Variants in MTTP observed in about 807,000 individuals in gnomAD.
MTTP encodes microsomal triglyceride transfer protein large subunit.
In MTTP, 49 loss-of-function variants were observed where a neutral mutation model predicts 90.6. The ratio of observed to expected loss-of-function variants is 0.54; its 90% CI spans 0.43 to 0.69. The LOEUF is 0.69. Ranked by LOEUF, MTTP falls within the 30% of genes least tolerant of loss-of-function variation. MTTP has a pLI of 0.00. For synonymous variants in MTTP, 347 were observed against 384.2 expected (o/e 0.90, Z 1.13); for missense variants, 945 against 1,067.5 (o/e 0.89, Z 1.60).
At chr4:99,581,365 A>C (rs934759088) in intron 1 of MTTP, among the ~76,000 whole-genome samples, 1 of 152,244 alleles carries the variant, frequency 6.6e-6, no homozygotes, top group African/African-American at 2.4e-5. Context: ...CAACGCTGAA[A>C]TGTACCTTTG....
chr4:99,585,857 G>C (rs562349593), intron 3 of MTTP, among the ~76,000 whole-genome samples: 2 of 152,226 alleles, frequency 1.3e-5, no homozygotes, highest in Admixed American at 1.3e-4. Context: ...TAAAATATTT[G>C]TTGGAAAAAA....
intron 1 of MTTP, among the ~76,000 whole-genome samples, chr4:99,576,014 T>C (rs1724949270): frequency 6.6e-6 from 1 of 152,210 alleles, no homozygotes; most frequent in Non-Finnish European, 1.5e-5. Context: ...ATCTTCATTA[T>C]TGGAGCAATA....
At chr4:99,600,812 G>T (rs984771997) in intron 9 of MTTP, 79 bp downstream of exon 9, 17 of 1,413,706 alleles carry the variant, frequency 1.2e-5, no homozygotes, top group Non-Finnish European at 1.7e-5. Context: ...AAGTTTCTTA[G>T]ATCTGAATGA....
chr4:99,582,246 T>A (rs1024357855), intron 2 of MTTP, among the ~76,000 whole-genome samples, 154 bp downstream of exon 2: 6 of 152,222 alleles, frequency 3.9e-5, no homozygotes, highest in African/African-American at 1.4e-4. Context: ...TTTAAAGGTT[T>A]TGCTGATGAA....
At chr4:99,617,232 G>T (rs1441311303) in intron 15 of MTTP, among the ~76,000 whole-genome samples, 1 of 152,134 alleles carries the variant, frequency 6.6e-6, no homozygotes, top group Non-Finnish European at 1.5e-5. Context: ...GCCATATTTT[G>T]TCCTATATCA....
In MTTP at chr4:99,582,095, G is replaced by C; in HGVS notation, c.249+3G>C. The C allele has an allele frequency of 6.2e-7, 1 of 1,614,000 alleles. No homozygotes were observed. Among genetic ancestry groups the C allele is most frequent in the Non-Finnish European group, 8.5e-7 (1 of 1,179,920 alleles). On this transcript the variant is annotated splice_donor_region_variant and intron_variant, in intron 2 of 17. Transcript: ENST00000265517. ...ATGACCAGTTGATCCAAATAACGGT[G>C]GGCATTTTCTACCAGATAAATGCAA...
In MTTP at chr4:99,622,713, C is replaced by T. The variant is rs1272679414; in HGVS notation, c.2550C>T (p.Gly850=). 1.2e-6 allele frequency: 2 copies of T among 1,614,060 alleles called. No individual in the cohort carries two copies. The highest frequency in any genetic ancestry group is 1.7e-6 in the Non-Finnish European group (2 of 1,179,972). ...FEKKYERLST[G]RGYVSQKRKE... ...AAAAGTACGAAAGGCTGTCCACAGG[C>T]AGAGGTTATGTCTCTCAGAAAAGAA... The change falls in exon 18 of 18, where the codon GGC becomes GGT. Residue 850 remains glycine (G), a synonymous_variant. Coordinates refer to ENST00000265517, the MANE Select transcript of MTTP (RefSeq NM_001386140.1).
chr4:99,573,031 T>C (rs185061091), upstream of MTTP, among the ~76,000 whole-genome samples: 3 of 152,242 alleles, frequency 2.0e-5, no homozygotes, highest in East Asian at 5.8e-4. Context: ...GAATTTAGTT[T>C]GTTAGGCAAT....
rs13306571 is a variant in MTTP at position 99,601,975 on chromosome 4, C to T, written c.1344+261C>T. ...TCAACACCAATTGCTCACCAGTTCC[C>T]GGTACATAGATAATATTTAATAAAG... On this transcript the variant is annotated intron_variant, in intron 10 of 17. Coordinates refer to ENST00000265517, the MANE Select transcript of MTTP (RefSeq NM_001386140.1). 2.2e-4 allele frequency among the ~76,000 whole-genome samples: 33 copies of T among 151,964 alleles called. No individual in the cohort carries two copies. In the East Asian group the frequency reaches 2.3e-3, roughly 11 times the overall value.
chr4:99,568,735 A>C (rs1724764592), intron 1 of MTTP, among the ~76,000 whole-genome samples: 1 of 152,146 alleles, frequency 6.6e-6, no homozygotes, highest in Non-Finnish European at 1.5e-5. Context: ...AACCCAAACA[A>C]AACACATTTA....
At chr4:99,619,641 A>T (rs1409012398) in intron 16 of MTTP, among the ~76,000 whole-genome samples, 1 of 152,186 alleles carries the variant, frequency 6.6e-6, no homozygotes, top group African/African-American at 2.4e-5. Context: ...GTGAAGATGA[A>T]AATTATTAGC....
chr4:99,601,976 G>A (rs1490321142), intron 10 of MTTP, among the ~76,000 whole-genome samples: 3 of 151,626 alleles, frequency 2.0e-5, no homozygotes, highest in Non-Finnish European at 2.9e-5. Context: ...ACCAGTTCCC[G>A]GTACATAGAT....
chr4:99,605,399 AGAG>A (rs1725790224), intron 10 of MTTP, among the ~76,000 whole-genome samples: 1 of 152,142 alleles, frequency 6.6e-6, no homozygotes, highest in Admixed American at 6.5e-5. Context: ...TTCCCTACAT[AGAG>A]ATCTTTTTCA....
At chr4:99,621,347 A>T in intron 17 of MTTP, 116 bp downstream of exon 17, 1 of 1,341,522 alleles carries the variant, frequency 7.5e-7, no homozygotes, top group African/African-American at 1.5e-5. Context: ...ACCCAGGGAA[A>T]GATGAATTTT....
intron 8 of MTTP, among the ~76,000 whole-genome samples, chr4:99,599,348 A>G (rs879793728): frequency 2.6e-4 from 40 of 152,320 alleles, no homozygotes; most frequent in Admixed American, 1.0e-3. Context: ...AAACATCACT[A>G]TAATTAAGAA....
At chr4:99,591,952 T>A (rs1363149618) in intron 6 of MTTP, among the ~76,000 whole-genome samples, 162 bp downstream of exon 6, 1 of 152,062 alleles carries the variant, frequency 6.6e-6, no homozygotes. Flanking sequence ...GTTAGGCAAT[T>A]TCATCACTGT....
chr4:99,586,766 G>A (rs992660832), intron 3 of MTTP, among the ~76,000 whole-genome samples: 3 of 152,052 alleles, frequency 2.0e-5, no homozygotes, highest in Non-Finnish European at 4.4e-5. Flanking sequence ...TGTGGAGAAA[G>A]GCATCTTCTT....
upstream of MTTP, among the ~76,000 whole-genome samples, chr4:99,574,435 G>C (rs1365374431): frequency 1.3e-5 from 2 of 152,118 alleles, no homozygotes; most frequent in African/African-American, 4.8e-5. Flanking sequence ...ATTAAAATTT[G>C]GTTAGGTTTA....
chr4:99,606,906 C>A lies in MTTP; in HGVS notation c.1503C>A (p.Ser501Arg), dbSNP rs774829310. ...KYAEAGEGPI[S>R]HLATTALQRY... ...CAGAAGCAGGAGAAGGGCCCATCAG[C>A]CACCTGGCTACCACTGCTCTCCAGA... Residue 501 changes from serine (S) to arginine (R), a missense_variant, in exon 11 of 18, where the codon AGC becomes AGA. Transcript: ENST00000265517. The A allele has an allele frequency of 6.2e-7, 1 of 1,613,950 alleles. No individual in the cohort carries two copies. The highest frequency in any genetic ancestry group is 1.1e-5 in the South Asian group (1 of 91,066).
Sources: gnomAD v4.1 joint callset for allele counts (sites outside exome capture counted in the v4.1 genomes callset) on GRCh38, gnomAD v4.1.1 for gene constraint, MANE v1.5 for transcripts, NCBI Gene and HGNC (gene_info 2026-07-23, HGNC 2026-07-21) for gene names.